The following PDE1C variants were observed in gnomAD, a reference collection of about 807,000 sequenced individuals.
The protein encoded by PDE1C is phosphodiesterase 1C.
PDE1C carries 62 observed loss-of-function variants against 93.1 expected under a neutral mutation model. The ratio of observed to expected loss-of-function variants is 0.67; its 90% CI spans 0.54 to 0.82. The LOEUF (loss-of-function observed/expected upper bound fraction) is 0.82. Among genes scored for constraint, PDE1C ranks in the 40% least tolerant of loss-of-function variants. PDE1C has a pLI of 0.00. For synonymous variants in PDE1C, 325 were observed against 310.1 expected (o/e 1.05, Z -0.50); for missense variants, 742 against 884.6 (o/e 0.84, Z 2.04).
At chr7:32,034,972 A>G (rs146162341) in intron 2 of PDE1C, among the ~76,000 whole-genome samples, 311 of 152,284 alleles carry the variant, frequency 2.0e-3, no homozygotes, top group African/African-American at 7.0e-3. Flanking sequence ...AAGTAATATT[A>G]TGGCTATTTT....
chr7:31,740,205 G>T, the PDE1C span, among the ~76,000 whole-genome samples: 1 of 152,242 alleles, frequency 6.6e-6, no homozygotes. Context: ...TGGGCTCTTT[G>T]CTGCTATTTA....
chr7:32,044,796 T>C (rs138318784), intron 2 of PDE1C, among the ~76,000 whole-genome samples: 4 of 152,082 alleles, frequency 2.6e-5, no homozygotes, highest in Admixed American at 1.3e-4. Context: ...AATGGAAGAA[T>C]GGTAGTAATT....
intron 7 of PDE1C, among the ~76,000 whole-genome samples, chr7:31,855,218 G>A (rs1793863041): frequency 1.3e-5 from 2 of 152,128 alleles, no homozygotes; most frequent in South Asian, 4.1e-4. Context: ...GGCTCTGGGG[G>A]AAAATCTGCT....
chr7:32,251,611 C>T (rs946998580), intron 1 of PDE1C, among the ~76,000 whole-genome samples: 1 of 152,138 alleles, frequency 6.6e-6, no homozygotes, highest in Admixed American at 6.5e-5. Flanking sequence ...AGAGTTGTCT[C>T]TCCCCACCCT....
At chr7:31,655,899 C>T in the PDE1C span, 1 of 985,500 alleles carries the variant, frequency 1.0e-6, no homozygotes, top group Non-Finnish European at 1.2e-6. Context: ...CTAGGATGTC[C>T]CTCACCTGGC....
chr7:31,948,747 T>C (rs1191447607), intron 2 of PDE1C, among the ~76,000 whole-genome samples: 1 of 152,164 alleles, frequency 6.6e-6, no homozygotes, highest in Non-Finnish European at 1.5e-5. Flanking sequence ...CCTAGTACTC[T>C]TTCCCCATTA....
intron 7 of PDE1C, among the ~76,000 whole-genome samples, chr7:31,861,661 G>A (rs1794716491): frequency 6.6e-6 from 1 of 152,024 alleles, no homozygotes. Context: ...CACCACAGCA[G>A]TCCTTTGAAC....
the PDE1C span, among the ~76,000 whole-genome samples, chr7:31,662,615 C>T: frequency 6.6e-6 from 1 of 152,080 alleles, no homozygotes; most frequent in African/African-American, 2.4e-5. Context: ...ACGTATGTGA[C>T]TGTGTTTGAC....
At chr7:32,126,780 G>T (rs1187562057) in intron 3 of PDE1C, among the ~76,000 whole-genome samples, 2 of 152,044 alleles carry the variant, frequency 1.3e-5, no homozygotes, top group African/African-American at 2.4e-5. Flanking sequence ...GACTAGATAA[G>T]GAAGACTTAC....
In PDE1C at chr7:32,404,158, T is replaced by C. The variant is rs143006989; in HGVS notation, c.310+23664A>G. Among the ~76,000 whole-genome samples the C allele has an allele frequency of 5.3e-5, 8 of 152,258 alleles. No homozygotes were observed. In the East Asian group the frequency reaches 1.5e-3, roughly 29 times the overall value. On this transcript the variant is annotated intron_variant, in intron 1 of 1. Transcript: ENST00000672256. ...TTCCTTAAGCTCTCTGTGCTTCCCT[T>C]TTCTCGTGGCTGCAATGGGAATTGC...
intron 2 of PDE1C, among the ~76,000 whole-genome samples, chr7:31,925,090 T>C (rs980446559): frequency 4.0e-4 from 52 of 130,644 alleles, no homozygotes; most frequent in Non-Finnish European, 5.9e-4. Flanking sequence ...TGTGTGTGTG[T>C]GCATGCGCAT....
At chr7:31,850,788 A>T (rs1054886513) in intron 7 of PDE1C, 47 bp from the exon 8 acceptor site, 2 of 1,388,238 alleles carry the variant, frequency 1.4e-6, no homozygotes, top group African/African-American at 2.8e-5. Flanking sequence ...TCTTTCTCAA[A>T]GTCTTCAGCT....
intron 3 of PDE1C, among the ~76,000 whole-genome samples, chr7:32,093,622 T>C (rs1797591671): frequency 1.3e-5 from 2 of 152,226 alleles, no homozygotes; most frequent in Admixed American, 6.5e-5. Flanking sequence ...TATGCCAACA[T>C]TGGGCCAGGC....
At chr7:32,298,620 C>T in intron 1 of PDE1C, 1 of 1,580,030 alleles carries the variant, frequency 6.3e-7, no homozygotes, top group Non-Finnish European at 8.6e-7. Context: ...TTGCCCGAGC[C>T]AGGAGTCCGA....
rs1794225739 is a variant in PDE1C, at chr7:31,753,300, TGGA to T, written c.*81_*83del. Reference sequence around the variant, plus strand: ...CTGCTCCAACAGCCTCCAAGGGTCTTGGAGGTGTGTCCTGCTGTGGCCAGTGGG... The same window carrying T: ...CTGCTCCAACAGCCTCCAAGGGTCTTGGTGTGTCCTGCTGTGGCCAGTGGG... On this transcript the variant is annotated 3_prime_UTR_variant, in exon 18 of 18. Transcript: ENST00000396191. The T allele has an allele frequency of 8.6e-6, 13 of 1,515,984 alleles. No individual in the cohort carries two copies. The highest frequency in any genetic ancestry group is 1.2e-5 in the Non-Finnish European group (13 of 1,127,994). The allele number at this position is 1,515,984 out of a possible 1,614,324, so 93.9% of individuals were successfully genotyped here. A position where few individuals can be genotyped will look rare whatever the true frequency, so the allele number is the denominator to read the frequency against.
intron 1 of PDE1C, among the ~76,000 whole-genome samples, chr7:32,285,482 T>C (rs990509166): frequency 6.6e-6 from 1 of 152,104 alleles, no homozygotes; most frequent in African/African-American, 2.4e-5. Flanking sequence ...GATAAACAAA[T>C]GTATATGTTC....
intron 1 of PDE1C, among the ~76,000 whole-genome samples, chr7:32,248,608 C>T (rs943283288): frequency 6.6e-6 from 1 of 152,200 alleles, no homozygotes; most frequent in Non-Finnish European, 1.5e-5. Flanking sequence ...AGGAGGTGAG[C>T]TCTGCAGAGA....
Position 32,423,720 on chromosome 7 carries a change from C to T in PDE1C, c.310+4102G>A, listed in dbSNP as rs185869210. Among the ~76,000 whole-genome samples, 669 of 130,404 alleles carry T rather than the reference C, an allele frequency of 5.1e-3. 7 individuals are homozygous for T. The highest frequency in any genetic ancestry group is 0.018 in the African/African-American group (652 of 36,694). The allele number at this position is 130,404 out of a possible 152,430, so 85.6% of individuals were successfully genotyped here. Reference sequence around the variant, plus strand: ...GACTCACAGAAGACGTAGATGGAAACCAAGAAGCAATGAGTCAGCAAGACA... The same window carrying T: ...GACTCACAGAAGACGTAGATGGAAATCAAGAAGCAATGAGTCAGCAAGACA... On this transcript the variant is annotated intron_variant, in intron 1 of 1. Transcript: ENST00000672256.
At chr7:32,398,416 T>C (rs1447462897) in intron 1 of PDE1C, among the ~76,000 whole-genome samples, 1 of 149,940 alleles carries the variant, frequency 6.7e-6, no homozygotes, top group Non-Finnish European at 1.5e-5. Context: ...TGAGACAGAG[T>C]CTTGCTCTGT....
Sources: gnomAD v4.1 joint callset for allele counts (sites outside exome capture counted in the v4.1 genomes callset) on GRCh38, gnomAD v4.1.1 for gene constraint, MANE v1.5 for transcripts, NCBI Gene and HGNC (gene_info 2026-07-23, HGNC 2026-07-21) for gene names.